Variants in GARIN1B observed in about 807,000 individuals in gnomAD.
The protein encoded by GARIN1B is Golgi-associated RAB2 interactor protein 1B.
chr7:128,723,450 C>G, the GARIN1B span: 2 of 1,119,566 alleles, frequency 1.8e-6, no homozygotes, highest in East Asian at 5.4e-5. Context: ...CGGTGGCTCA[C>G]GCCTGTATTC....
At chr7:128,731,305 A>T in the GARIN1B span, 3 of 649,362 alleles carry the variant, frequency 4.6e-6, no homozygotes, top group East Asian at 8.2e-5. Flanking sequence ...ACCTCGGCAT[A>T]TGCCACCTCC....
chr7:128,716,904 CCAA>C, the GARIN1B span: 1 of 1,614,016 alleles, frequency 6.2e-7, no homozygotes, highest in South Asian at 1.1e-5. Context: ...CTGCCCCTCC[CCAA>C]CATCCTACTC....
chr7:128,722,142 C>T, the GARIN1B span, among the ~76,000 whole-genome samples: 13 of 152,266 alleles, frequency 8.5e-5, no homozygotes, highest in African/African-American at 2.9e-4. Flanking sequence ...GGAAAGTATT[C>T]CCTCCTCTAT....
the GARIN1B span, among the ~76,000 whole-genome samples, chr7:128,711,658 G>GACACACACAC: frequency 9.6e-4 from 139 of 144,974 alleles, no homozygotes; most frequent in African/African-American, 3.2e-3. Flanking sequence ...TGGTTTTACA[G>GACACACACAC]ACACACACAC....
the GARIN1B span, chr7:128,731,078 C>G: frequency 3.2e-5 from 51 of 1,608,368 alleles, no homozygotes; most frequent in East Asian, 1.1e-3. Flanking sequence ...CTATCAAACA[C>G]TTTTCTCTCC....
the GARIN1B span, among the ~76,000 whole-genome samples, chr7:128,716,030 A>G: frequency 6.6e-6 from 1 of 152,204 alleles, no homozygotes; most frequent in Non-Finnish European, 1.5e-5. Flanking sequence ...CTTGAGAACA[A>G]TAATGCGGAT....
chr7:128,714,375 G>A, the GARIN1B span, among the ~76,000 whole-genome samples: 95 of 152,104 alleles, frequency 6.2e-4, no homozygotes, highest in Non-Finnish European at 1.0e-3. Flanking sequence ...TCAGGAGTTC[G>A]AGACCAGCCT....
At chr7:128,716,807 T>C in the GARIN1B span, 15 of 1,601,160 alleles carry the variant, frequency 9.4e-6, no homozygotes, top group Non-Finnish European at 1.3e-5. Context: ...GGGGGCTGTG[T>C]TGCAGGTCAA....
chr7:128,718,992 AGGGGCT>A, the GARIN1B span: 9 of 1,614,190 alleles, frequency 5.6e-6, no homozygotes, highest in Non-Finnish European at 6.8e-6. Flanking sequence ...ATTCTGCAAA[AGGGGCT>A]GTCCATCACC....
chr7:128,731,149 C>T, the GARIN1B span: 1 of 1,584,998 alleles, frequency 6.3e-7, no homozygotes, highest in Non-Finnish European at 8.7e-7. Context: ...CTATGCAAGC[C>T]TCGTCAACAC....
chr7:128,723,441 G>A, the GARIN1B span: 32 of 1,230,810 alleles, frequency 2.6e-5, 1 homozygote, highest in East Asian at 4.1e-4. Flanking sequence ...GACCAGGCAC[G>A]GTGGCTCACG....
At chr7:128,731,287 G>A in the GARIN1B span, 27 of 703,248 alleles carry the variant, frequency 3.8e-5, no homozygotes, top group Middle Eastern at 2.4e-4. Flanking sequence ...CCACGTCCTC[G>A]CCACTGCACC....
chr7:128,728,045 C>T, the GARIN1B span, among the ~76,000 whole-genome samples: 9 of 152,174 alleles, frequency 5.9e-5, no homozygotes, highest in Non-Finnish European at 1.2e-4. Flanking sequence ...GCCAAAATAT[C>T]ATAAGATATT....
At chr7:128,724,026 G>A in the GARIN1B span, among the ~76,000 whole-genome samples, 1 of 152,024 alleles carries the variant, frequency 6.6e-6, no homozygotes, top group African/African-American at 2.4e-5. Context: ...ATTTGTTTAC[G>A]TGAGACAAGA....
the GARIN1B span, among the ~76,000 whole-genome samples, chr7:128,710,738 G>T: frequency 6.6e-6 from 1 of 150,548 alleles, no homozygotes. Flanking sequence ...AAGCTGGAGT[G>T]CAATGACGCA....
At chr7:128,710,209 C>A in the GARIN1B span, among the ~76,000 whole-genome samples, 1 of 152,172 alleles carries the variant, frequency 6.6e-6, no homozygotes, top group Non-Finnish European at 1.5e-5. Flanking sequence ...GCCACCACAC[C>A]CAGCCCTGCT....
At chr7:128,726,676 C>T in the GARIN1B span, 35 of 580,844 alleles carry the variant, frequency 6.0e-5, no homozygotes, top group Non-Finnish European at 9.9e-5. Flanking sequence ...TGCGTCACAC[C>T]CATCCAATAT....
At chr7:128,717,325 T>C in the GARIN1B span, among the ~76,000 whole-genome samples, 1 of 152,150 alleles carries the variant, frequency 6.6e-6, no homozygotes, top group Non-Finnish European at 1.5e-5. Flanking sequence ...GATGGAGCAC[T>C]GGTTGGGGAA....
At chr7:128,722,533 C>A in the GARIN1B span, among the ~76,000 whole-genome samples, 2 of 152,160 alleles carry the variant, frequency 1.3e-5, no homozygotes, top group African/African-American at 4.8e-5. Flanking sequence ...AGGCCAGGCG[C>A]GGTGGCTCAC....
Sources: gnomAD v4.1 joint callset for allele counts (sites outside exome capture counted in the v4.1 genomes callset) on GRCh38, gnomAD v4.1.1 for gene constraint, MANE v1.5 for transcripts, NCBI Gene and HGNC (gene_info 2026-07-23, HGNC 2026-07-21) for gene names.